ARRB1: variants seen among roughly 807,000 people sequenced by gnomAD.
ARRB1 encodes arrestin beta 1.
A neutral mutation model predicts 56.8 loss-of-function variants in ARRB1; 21 were observed. The ratio of observed to expected loss-of-function variants is 0.37; its 90% CI spans 0.26 to 0.53. The LOEUF is 0.53. Among genes scored for constraint, ARRB1 ranks in the 20% least tolerant of loss-of-function variants. The pLI, the probability that ARRB1 is intolerant of heterozygous loss-of-function variation, is 0.88. For synonymous variants in ARRB1, 210 were observed against 218.6 expected, an observed-to-expected ratio of 0.96 and a Z score of 0.35; for missense variants, 424 against 553.7, an observed-to-expected ratio of 0.77 and a Z score of 2.35.
At chr11:75,289,648 G>T (rs1946558611) in intron 2 of ARRB1, among the ~76,000 whole-genome samples, 1 of 152,158 alleles carries the variant, frequency 6.6e-6, no homozygotes, top group Non-Finnish European at 1.5e-5. Context: ...CTAAGGAGGT[G>T]ACGCTAGGGT....
chr11:75,340,618 G>A (rs1361771099), intron 1 of ARRB1, among the ~76,000 whole-genome samples: 1 of 152,202 alleles, frequency 6.6e-6, no homozygotes, highest in East Asian at 1.9e-4. Flanking sequence ...CCTGTAGCAG[G>A]CGCTGCTTTC....
intron 1 of ARRB1, among the ~76,000 whole-genome samples, chr11:75,331,796 C>G (rs1947525193): frequency 6.6e-6 from 1 of 151,616 alleles, no homozygotes; most frequent in Non-Finnish European, 1.5e-5. Context: ...TCGAGTGAAA[C>G]TCATCAGTTG....
intron 1 of ARRB1, among the ~76,000 whole-genome samples, chr11:75,291,580 C>T (rs1946612617): frequency 6.6e-6 from 1 of 152,162 alleles, no homozygotes; most frequent in East Asian, 1.9e-4. Flanking sequence ...TGCCCTCTCC[C>T]CCGAGCTGGG....
intron 15 of ARRB1, among the ~76,000 whole-genome samples, chr11:75,267,251 G>A (rs1320836056): frequency 2.0e-5 from 3 of 152,186 alleles, no homozygotes; most frequent in Admixed American, 6.5e-5. Flanking sequence ...TTGGTCCTCA[G>A]GAGTCAGAAG....
intron 1 of ARRB1, among the ~76,000 whole-genome samples, chr11:75,300,410 G>A (rs1049422838): frequency 6.6e-6 from 1 of 152,084 alleles, no homozygotes; most frequent in African/African-American, 2.4e-5. Context: ...TTTGCCTAGG[G>A]TCACACAGCA....
At chr11:75,348,976 C>CT (rs1947810811) in intron 1 of ARRB1, among the ~76,000 whole-genome samples, 1 of 152,196 alleles carries the variant, frequency 6.6e-6, no homozygotes, top group Non-Finnish European at 1.5e-5. Context: ...TTCATTGTCA[C>CT]TTTCACATGG....
intron 1 of ARRB1, among the ~76,000 whole-genome samples, chr11:75,314,348 G>T (rs1947224602): frequency 6.6e-6 from 1 of 152,170 alleles, no homozygotes; most frequent in Non-Finnish European, 1.5e-5. Flanking sequence ...ATGCCGCAGG[G>T]CATGGTGGCA....
intron 9 of ARRB1, 82 bp downstream of exon 9, chr11:75,277,282 A>C: frequency 7.3e-7 from 1 of 1,362,126 alleles, no homozygotes; most frequent in Non-Finnish European, 1.0e-6. Context: ...GGCTGTTAAC[A>C]AGGGGAGATA....
chr11:75,319,122 A>G (rs1947307200), intron 1 of ARRB1, among the ~76,000 whole-genome samples: 1 of 152,204 alleles, frequency 6.6e-6, no homozygotes, highest in African/African-American at 2.4e-5. Context: ...GGTTCTATCT[A>G]TGTTAGGTAG....
intron 8 of ARRB1, among the ~76,000 whole-genome samples, chr11:75,277,793 G>GT (rs1423913444): frequency 6.6e-6 from 1 of 152,252 alleles, no homozygotes; most frequent in Admixed American, 6.5e-5. Flanking sequence ...GAATTGGAAG[G>GT]TGATAGTCCT....
At chr11:75,343,875 G>T (rs1176419941) in intron 1 of ARRB1, among the ~76,000 whole-genome samples, 1 of 151,924 alleles carries the variant, frequency 6.6e-6, no homozygotes, top group Non-Finnish European at 1.5e-5. Context: ...GAGTGCAGTG[G>T]CGTGATCTCG....
At chr11:75,299,106 A>T (rs1946832916) in intron 1 of ARRB1, among the ~76,000 whole-genome samples, 1 of 151,892 alleles carries the variant, frequency 6.6e-6, no homozygotes, top group Non-Finnish European at 1.5e-5. Context: ...ATTGGTACAG[A>T]GTTCTTTGGG....
At chr11:75,285,465 T>C (rs1425812256) in intron 3 of ARRB1, among the ~76,000 whole-genome samples, 1 of 152,112 alleles carries the variant, frequency 6.6e-6, no homozygotes, top group African/African-American at 2.4e-5. Flanking sequence ...CCCCCTACCC[T>C]CTAACCCATT....
intron 1 of ARRB1, among the ~76,000 whole-genome samples, chr11:75,293,034 C>T (rs1337871482): frequency 6.6e-6 from 1 of 151,760 alleles, no homozygotes; most frequent in Non-Finnish European, 1.5e-5. Flanking sequence ...TCGGGAATAA[C>T]AATAAAGAGG....
intron 1 of ARRB1, among the ~76,000 whole-genome samples, chr11:75,293,183 T>C (rs1362523531): frequency 6.6e-6 from 1 of 152,096 alleles, no homozygotes; most frequent in Non-Finnish European, 1.5e-5. Context: ...CTCTGATGGC[T>C]TCCTCAAACA....
At chr11:75,266,789 A>C (rs1184130792) in intron 15 of ARRB1, among the ~76,000 whole-genome samples, 1 of 152,170 alleles carries the variant, frequency 6.6e-6, no homozygotes, top group Non-Finnish European at 1.5e-5. Context: ...GAAGACCATG[A>C]AGAACCTTTC....
intron 1 of ARRB1, among the ~76,000 whole-genome samples, chr11:75,316,936 C>T (rs900539454): frequency 1.3e-5 from 2 of 152,082 alleles, no homozygotes; most frequent in Non-Finnish European, 2.9e-5. Flanking sequence ...TGTAGTGGCG[C>T]GTACCTGTAG....
chr11:75,341,534 G>C (rs111531646), intron 1 of ARRB1, among the ~76,000 whole-genome samples: 2,322 of 152,248 alleles, frequency 0.015, 51 homozygotes, highest in African/African-American at 0.035. Flanking sequence ...TGAGGCCGGA[G>C]AGTTTAAGAC....
chr11:75,349,532 A>G (rs1408717777), intron 1 of ARRB1, among the ~76,000 whole-genome samples: 1 of 152,196 alleles, frequency 6.6e-6, no homozygotes, highest in East Asian at 1.9e-4. Context: ...AATGACACTT[A>G]TCCCCCAAGT....
Sources: allele counts gnomAD v4.1 joint callset (sites outside exome capture counted in the v4.1 genomes callset), GRCh38; gene constraint gnomAD v4.1.1; transcripts MANE v1.5; gene names NCBI Gene and HGNC (gene_info 2026-07-23, HGNC 2026-07-21).